The following ENO4 variants were observed in gnomAD, a reference collection of about 807,000 sequenced individuals.
The protein encoded by ENO4 is enolase 4, also known as 2-phospho-D-glycerate hydro-lyase.
A neutral mutation model predicts 63.2 loss-of-function variants in ENO4; 53 were observed. The ratio of observed to expected loss-of-function variants is 0.84; its 90% CI spans 0.67 to 1.05. The LOEUF (loss-of-function observed/expected upper bound fraction) is 1.05, where lower values mean the gene tolerates loss of function less well. Among genes scored for constraint, ENO4 ranks in the 50% least tolerant of loss-of-function variants. The probability of loss-of-function intolerance (pLI) is 0.00; values close to 1 mark genes in which losing one functional copy is unlikely to be tolerated. For missense variants in ENO4, 719 were observed against 772.0 expected (o/e 0.93, Z 0.81); for synonymous variants, 266 against 283.8 (o/e 0.94, Z 0.63).
At chr10:116,901,006 T>C in intron 10 of ENO4, 1 of 985,430 alleles carries the variant, frequency 1.0e-6, no homozygotes, top group Non-Finnish European at 1.2e-6. Context: ...AAGGGGTTCT[T>C]TCTCTCTTGA....
chr10:116,885,474 TG>T (rs1170025052), downstream of ENO4: 2 of 152,602 alleles, frequency 1.3e-5, no homozygotes, highest in Non-Finnish European at 2.9e-5. Context: ...AACAAACCTG[TG>T]TAATATAGAA....
chr10:116,901,062 G>A (rs1357534728), intron 10 of ENO4: 26 of 985,178 alleles, frequency 2.6e-5, no homozygotes, highest in East Asian at 1.1e-4. Flanking sequence ...TACAATATTC[G>A]GCTGATCTGA....
chr10:116,905,908 G>C (rs942733408), intron 10 of ENO4, among the ~76,000 whole-genome samples: 1 of 152,154 alleles, frequency 6.6e-6, no homozygotes, highest in Admixed American at 6.5e-5. Context: ...ACATTTTGAG[G>C]CCTAATACAG....
Position 116,906,316 on chromosome 10 carries a change from C to T in ENO4, c.1195-5183C>T, listed in dbSNP as rs7070514. Among the ~76,000 whole-genome samples the T allele has an allele frequency of 4.0e-3, 612 of 152,324 alleles. 4 individuals carry two copies. The highest frequency in any genetic ancestry group is 0.014 in the African/African-American group (584 of 41,564). ...AAACTTGGGTGGTCTGGCTCCAGAG[C>T]CTGTACTTGATGCTATATTGTTGCC... is the stretch of plus-strand genomic sequence containing the variant. On this transcript the variant is annotated intron_variant, in intron 10 of 10. Transcript: ENST00000369207.
chr10:116,909,913 G>A (rs1848123457), intron 10 of ENO4, among the ~76,000 whole-genome samples: 2 of 152,110 alleles, frequency 1.3e-5, no homozygotes, highest in African/African-American at 4.8e-5. Context: ...CAGTGCTTGT[G>A]TTTTTCAGTA....
Position 116,860,848 on chromosome 10 carries a change from C to T in ENO4, c.689C>T (p.Pro230Leu). The change falls in exon 5 of 14, where the codon CCT (proline) becomes CTT (leucine). Residue 230 changes from proline to leucine, a missense_variant. Physicochemically the swap from Pro to Leu is moderately conservative, Grantham distance 98 (BLOSUM62 -3). Around this residue, in one of 3 missense-constraint regions of ENO4, gnomAD observed 544 missense variants for 583.6 expected, o/e 0.93. Coordinates refer to ENST00000341276, the MANE Select transcript of ENO4 (RefSeq NM_001242699.2). ...ATTGCGCCTGCAGAGCCTGTTGAGC[C>T]TGTACTCAGTGGCAGTATGGCCATA... ...KPIAPAEPVE[P>L]VLSGSMAIGA... is the part of the protein sequence containing the mutation. 3 of 1,548,648 alleles carry T rather than the reference C, an allele frequency of 1.9e-6. No homozygotes were observed. In the South Asian group the frequency reaches 3.6e-5, roughly 18 times the overall value.
chr10:116,877,097 G>A (rs1296295047), intron 11 of ENO4, among the ~76,000 whole-genome samples: 7 of 152,124 alleles, frequency 4.6e-5, no homozygotes, highest in Non-Finnish European at 7.3e-5. Context: ...CGGCTACAAT[G>A]TAGTGTTCAA....
At chr10:116,901,516 G>C (rs1483913557) in intron 10 of ENO4, 9 of 985,130 alleles carry the variant, frequency 9.1e-6, no homozygotes, top group Non-Finnish European at 1.1e-5. Context: ...TATTTGTGTA[G>C]AAGAACCTGA....
intron 10 of ENO4, among the ~76,000 whole-genome samples, chr10:116,904,927 C>T (rs1481650962): frequency 2.0e-5 from 3 of 151,930 alleles, no homozygotes; most frequent in East Asian, 1.9e-4. Context: ...GTTGGCCGGG[C>T]GCGGTGGCTC....
intron 10 of ENO4, among the ~76,000 whole-genome samples, chr10:116,907,393 A>C (rs1353043833): frequency 6.6e-6 from 1 of 152,178 alleles, no homozygotes; most frequent in Non-Finnish European, 1.5e-5. Flanking sequence ...GGAGACAGTT[A>C]ATGTATTATT....
At chr10:116,859,906 A>G (rs1846364529) in intron 4 of ENO4, among the ~76,000 whole-genome samples, 1 of 152,216 alleles carries the variant, frequency 6.6e-6, no homozygotes, top group African/African-American at 2.4e-5. Context: ...GCTGAGGCCC[A>G]GAGAAGTGAA....
Position 116,881,704 on chromosome 10 carries a change from AGTATTAGTAGACC to A in ENO4, c.*37_*49del. ...CACCCCAGGTTCCAGCCACACCATC[AGTATTAGTAGACC>A]GGGAGGTCTGAAGTACGGCGCCGTG... On this transcript the variant is annotated 3_prime_UTR_variant, in exon 14 of 14. Coordinates refer to ENST00000341276, the MANE Select transcript of ENO4 (RefSeq NM_001242699.2). 7.1e-7 allele frequency: 1 copy of A among 1,405,310 alleles called. No individual in the cohort carries two copies. Among genetic ancestry groups the A allele is most frequent in the Non-Finnish European group, 9.3e-7 (1 of 1,072,534 alleles). 87.1% of individuals were successfully genotyped at this position (1,405,310 alleles called of 1,614,324 possible).
chr10:116,860,957 C>A lies in ENO4; in HGVS notation c.798C>A (p.His266Gln). 6.5e-7 allele frequency: 1 copy of A among 1,539,702 alleles called. No individual in the cohort carries two copies. Among genetic ancestry groups the A allele is most frequent in the Non-Finnish European group, 8.8e-7 (1 of 1,138,966 alleles). Residue 266 changes from histidine to glutamine, a missense_variant, in exon 5 of 14, where the codon CAC (histidine) becomes CAA (glutamine). Around this residue, in one of 3 missense-constraint regions of ENO4, gnomAD observed 544 missense variants for 583.6 expected, o/e 0.93. Coordinates refer to ENST00000341276, the MANE Select transcript of ENO4 (RefSeq NM_001242699.2). ...ACTTAAATATCGCTCTACTGAAGCA[C>A]AATCAGGTTAGTATCTATGAAGTTC... ...PLYLNIALLK[H>Q]NQEQPTTLSM...
chr10:116,856,975 C>T (rs1476299753), intron 3 of ENO4, among the ~76,000 whole-genome samples: 6 of 144,434 alleles, frequency 4.2e-5, no homozygotes, highest in Non-Finnish European at 4.5e-5. Flanking sequence ...GGCGACAGAG[C>T]GAGACTCTGT....
rs1846687190 is a variant in ENO4 at position 116,871,215 on chromosome 10, T to G, written c.1138T>G (p.Cys380Gly). Residue 380 changes from cysteine to glycine, a missense_variant, in exon 9 of 14, where the codon TGT (cysteine) becomes GGT (glycine). Transcript: ENST00000341276. ...GCCACTGCTTCTAATACAGGAAATC[T>G]GTGCCAACCTGGGGCTAGAACTGGG... ...EQPLLLIQEICANLGLELGTN... is the reference protein window; with the variant it reads ...EQPLLLIQEIGANLGLELGTN... The G allele has an allele frequency of 6.4e-7, 1 of 1,550,428 alleles. No individual in the cohort carries two copies. The highest frequency in any genetic ancestry group is 1.4e-5 in the African/African-American group (1 of 73,038).
At chr10:116,875,561 T>TCACACAAACACACACACACACA (rs1554902987) in intron 10 of ENO4, among the ~76,000 whole-genome samples, 1 of 147,908 alleles carries the variant, frequency 6.8e-6, no homozygotes, top group Admixed American at 6.7e-5. Context: ...TCCAGGCTGG[T>TCACACAAACACACACACACACA]CACACACACA....
rs75722807 is a variant in ENO4 at position 116,877,223 on chromosome 10, C to T, written c.1537+963C>T. Among the ~76,000 whole-genome samples, 140 of 152,264 alleles carry T rather than the reference C, an allele frequency of 9.2e-4. 1 individual carries two copies. The East Asian group carries it at 0.019, about 21-fold the overall frequency. The stretch of plus-strand genomic sequence containing the variant: ...TTACCGCAGTATTGTAAATTTCCTC[C>T]TATCATTTACTACCACTTTATGCTC... On this transcript the variant is annotated intron_variant, in intron 11 of 13. Transcript: ENST00000341276.
At chr10:116,911,980 T>G (rs1312967934), downstream of ENO4, 1 of 662,604 alleles carries the variant, frequency 1.5e-6, no homozygotes, top group East Asian at 2.7e-5. Context: ...ATTAGGACTA[T>G]GTCTTAAGGT....
chr10:116,905,617 T>C (rs940523799), intron 10 of ENO4, among the ~76,000 whole-genome samples: 2 of 152,206 alleles, frequency 1.3e-5, no homozygotes, highest in Admixed American at 1.3e-4. Context: ...ACATGAGAAC[T>C]TGATGATCAA....
Sources: allele counts gnomAD v4.1 joint callset (sites outside exome capture counted in the v4.1 genomes callset), GRCh38; gene constraint gnomAD v4.1.1; regional missense constraint gnomAD v4.1.1; transcripts MANE v1.5; gene names NCBI Gene and HGNC (gene_info 2026-07-23, HGNC 2026-07-21).